The following KCNQ5 variants were observed in gnomAD, a reference collection of about 807,000 sequenced individuals.
The protein encoded by KCNQ5 is potassium voltage-gated channel subfamily Q member 5, also known as potassium voltage-gated channel subfamily KQT member 5.
A neutral mutation model predicts 98.2 loss-of-function variants in KCNQ5; 30 were observed. That is an observed-to-expected ratio of 0.31 (90% CI 0.23 to 0.41). The LOEUF is 0.41. Among genes scored for constraint, KCNQ5 ranks in the 10% least tolerant of loss-of-function variants. The probability of loss-of-function intolerance (pLI) is 1.00; values close to 1 mark genes in which losing one functional copy is unlikely to be tolerated. For synonymous variants in KCNQ5, 458 were observed against 449.4 expected (o/e 1.02, Z -0.24); for missense variants, 835 against 1,182.5 (o/e 0.71, Z 4.31).
At chr6:73,004,088 C>A (rs1039656324) in intron 2 of KCNQ5, 90 bp downstream of exon 2, 17 of 719,120 alleles carry the variant, frequency 2.4e-5, no homozygotes, top group Admixed American at 5.0e-5. Flanking sequence ...ACAAAAAAAT[C>A]CTATCTAAAA....
intron 1 of KCNQ5, among the ~76,000 whole-genome samples, chr6:72,854,320 G>A (rs1174441818): frequency 6.6e-6 from 1 of 151,728 alleles, no homozygotes; most frequent in Admixed American, 6.6e-5. Context: ...GCCAACTAAT[G>A]GTACATATAA....
At chr6:72,709,878 T>C (rs1459984583) in intron 1 of KCNQ5, among the ~76,000 whole-genome samples, 3 of 152,208 alleles carry the variant, frequency 2.0e-5, no homozygotes, top group Non-Finnish European at 2.9e-5. Flanking sequence ...TGGAATATAG[T>C]ACCTGAACCC....
intron 10 of KCNQ5, among the ~76,000 whole-genome samples, chr6:73,161,746 A>C (rs1288707615): frequency 2.0e-5 from 3 of 152,200 alleles, no homozygotes; most frequent in Non-Finnish European, 4.4e-5. Flanking sequence ...TTCATAGTGG[A>C]AATAGAAATA....
intron 1 of KCNQ5, among the ~76,000 whole-genome samples, chr6:72,732,390 G>A (rs1289378103): frequency 1.3e-5 from 2 of 152,134 alleles, no homozygotes; most frequent in Admixed American, 6.5e-5. Flanking sequence ...GTATATGAGG[G>A]AAGGGGAGGA....
chr6:72,731,496 G>C (rs560286474), intron 1 of KCNQ5, among the ~76,000 whole-genome samples: 16 of 152,306 alleles, frequency 1.1e-4, no homozygotes, highest in Admixed American at 3.3e-4. Flanking sequence ...ACTAACTAAC[G>C]CATCTGTGAT....
chr6:73,044,374 T>G (rs1771859396), intron 3 of KCNQ5, among the ~76,000 whole-genome samples: 2 of 152,252 alleles, frequency 1.3e-5, no homozygotes, highest in Non-Finnish European at 2.9e-5. Flanking sequence ...CTCTAGGAAA[T>G]TAATTGCTTT....
chr6:72,718,738 C>T (rs1227324984), intron 1 of KCNQ5, among the ~76,000 whole-genome samples: 3 of 152,006 alleles, frequency 2.0e-5, no homozygotes, highest in East Asian at 1.9e-4. Flanking sequence ...CGTGAGCCAC[C>T]GCACCCAGCC....
intron 1 of KCNQ5, among the ~76,000 whole-genome samples, chr6:72,866,734 AT>A (rs1205024906): frequency 1.3e-5 from 2 of 152,232 alleles, no homozygotes; most frequent in African/African-American, 4.8e-5. Context: ...CAATTAGTTA[AT>A]TTAAAAGCAT....
At chr6:72,708,679 G>A (rs1012630660) in intron 1 of KCNQ5, among the ~76,000 whole-genome samples, 3 of 152,018 alleles carry the variant, frequency 2.0e-5, no homozygotes, top group Admixed American at 6.6e-5. Context: ...ACACCACCCT[G>A]CCCAGCTAAT....
At chr6:73,171,854 A>T (rs1393622005) in intron 11 of KCNQ5, among the ~76,000 whole-genome samples, 2 of 152,222 alleles carry the variant, frequency 1.3e-5, no homozygotes, top group African/African-American at 2.4e-5. Context: ...GTGAGAGCAG[A>T]TTAGGCTTCC....
intron 1 of KCNQ5, among the ~76,000 whole-genome samples, chr6:72,998,690 T>C (rs1769421337): frequency 1.3e-5 from 2 of 150,540 alleles, no homozygotes; most frequent in South Asian, 4.2e-4. Flanking sequence ...TAGGTCAAGA[T>C]CACGCCACTG....
intron 1 of KCNQ5, among the ~76,000 whole-genome samples, chr6:72,777,352 G>A (rs1773210120): frequency 6.6e-6 from 1 of 152,130 alleles, no homozygotes; most frequent in Non-Finnish European, 1.5e-5. Flanking sequence ...TATGCAGCAG[G>A]GGAGGTGGAG....
intron 12 of KCNQ5, among the ~76,000 whole-genome samples, chr6:73,191,419 A>C (rs1238287707): frequency 6.6e-6 from 1 of 152,200 alleles, no homozygotes; most frequent in Non-Finnish European, 1.5e-5. Context: ...TGAATTCCAC[A>C]TGTTAATTCC....
chr6:72,986,311 G>T, intron 1 of KCNQ5: 1 of 322,158 alleles, frequency 3.1e-6, no homozygotes, highest in East Asian at 4.9e-5. Context: ...GGGTCACAGT[G>T]GAGCAGGCTC....
chr6:72,917,868 A>C (rs1266635011), intron 1 of KCNQ5, among the ~76,000 whole-genome samples: 3 of 151,988 alleles, frequency 2.0e-5, no homozygotes, highest in African/African-American at 7.3e-5. Flanking sequence ...TCAAGTTACT[A>C]TACCCTGGAT....
At chr6:72,749,460 A>AT (rs1273488525) in intron 1 of KCNQ5, among the ~76,000 whole-genome samples, 3 of 146,498 alleles carry the variant, frequency 2.0e-5, no homozygotes, top group African/African-American at 7.7e-5. Context: ...ATGTGGAAAA[A>AT]TTAAAAAAAA....
intron 1 of KCNQ5, among the ~76,000 whole-genome samples, chr6:72,853,776 A>G (rs906401960): frequency 2.0e-5 from 3 of 152,174 alleles, no homozygotes; most frequent in African/African-American, 7.2e-5. Context: ...AATGTAACAC[A>G]CCAAAGTAAT....
chr6:73,012,521 A>T (rs1425787021), intron 2 of KCNQ5, among the ~76,000 whole-genome samples: 1 of 152,120 alleles, frequency 6.6e-6, no homozygotes, highest in Non-Finnish European at 1.5e-5. Context: ...GCATTACAAG[A>T]AGAAAAGAGT....
intron 3 of KCNQ5, among the ~76,000 whole-genome samples, chr6:73,063,796 T>G (rs2150378557): frequency 6.6e-6 from 1 of 151,562 alleles, no homozygotes; most frequent in Non-Finnish European, 1.5e-5. Context: ...ACAAGCAAGA[T>G]TTTCAAAATT....
Sources: gnomAD v4.1 joint callset for allele counts (sites outside exome capture counted in the v4.1 genomes callset) on GRCh38, gnomAD v4.1.1 for gene constraint, MANE v1.5 for transcripts, NCBI Gene and HGNC (gene_info 2026-07-23, HGNC 2026-07-21) for gene names.